The following TUBGCP2 variants were observed in gnomAD, a reference collection of about 807,000 sequenced individuals.
TUBGCP2 encodes the protein tubulin gamma complex component 2.
A neutral mutation model predicts 92.2 loss-of-function variants in TUBGCP2; 55 were observed. The observed-to-expected ratio is 0.60, with a 90% confidence interval of 0.48 to 0.75. The LOEUF (loss-of-function observed/expected upper bound fraction) is 0.75, where lower values mean the gene tolerates loss of function less well. TUBGCP2 is among the 30% of genes least tolerant of loss of function. The probability of loss-of-function intolerance (pLI) is 0.00; values close to 1 mark genes in which losing one functional copy is unlikely to be tolerated. For missense variants in TUBGCP2, 1,093 were observed against 1,188.9 expected (o/e 0.92, Z 1.19); for synonymous variants, 533 against 505.2 (o/e 1.06, Z -0.74).
chr10:133,283,270 C>T (rs370136277), intron 14 of TUBGCP2, 49 bp from the exon 15 acceptor site: 58 of 1,611,246 alleles, frequency 3.6e-5, no homozygotes, highest in Admixed American at 1.7e-4. Context: ...GGCTGACAGA[C>T]GGGCCCTGCA....
In TUBGCP2 at chr10:133,308,840, A is replaced by G. The variant is rs1449460369; in HGVS notation, c.-57T>C. 1.5e-4 allele frequency: 153 copies of G among 1,015,758 alleles called. No homozygotes were observed. Among genetic ancestry groups the G allele is most frequent in the Non-Finnish European group, 1.9e-4 (150 of 803,400 alleles). 62.9% of individuals were successfully genotyped at this position (1,015,758 alleles called of 1,614,324 possible). A position where few individuals can be genotyped will look rare whatever the true frequency, so the allele number is the denominator to read the frequency against. Reference sequence around the variant, plus strand: ...GGACTCACCGCAGTCCCGGAGCCACAGCCCCCGCGCAGCCCCCGACGGCGG... The same window carrying G: ...GGACTCACCGCAGTCCCGGAGCCACGGCCCCCGCGCAGCCCCCGACGGCGG... On this transcript the variant is annotated 5_prime_UTR_variant, in exon 1 of 18. Coordinates refer to ENST00000252936, the MANE Select transcript of TUBGCP2 (RefSeq NM_006659.4).
At chr10:133,291,940 C>T (rs539121560) in intron 8 of TUBGCP2, among the ~76,000 whole-genome samples, 1 of 28,948 alleles carries the variant, frequency 3.5e-5, no homozygotes. Context: ...CATGTCCCTC[C>T]GTGTCCCTCC....
At chr10:133,289,758 G>C in intron 9 of TUBGCP2, 66 bp downstream of exon 9, 2 of 793,344 alleles carry the variant, frequency 2.5e-6, no homozygotes, top group Admixed American at 6.3e-5. Flanking sequence ...GGAGGGCCTG[G>C]GCTGCAGGAG....
chr10:133,297,841 G>T (rs1305058168), intron 5 of TUBGCP2, 111 bp downstream of exon 5: 2 of 1,492,438 alleles, frequency 1.3e-6, no homozygotes, highest in African/African-American at 2.8e-5. Context: ...GGCCTGCAAA[G>T]TGTCCTGCCC....
At chr10:133,311,530 C>T (rs1014175669), upstream of TUBGCP2, 23 of 580,974 alleles carry the variant, frequency 4.0e-5, no homozygotes, top group African/African-American at 3.5e-4. Context: ...TAAACAATGG[C>T]CTTGCTGTAA....
rs762103235 is a variant in TUBGCP2 at position 133,292,567 on chromosome 10, C to T, written c.1146G>A (p.Ala382=). Residue 382 remains alanine (A), a synonymous_variant, in exon 8 of 18, where the codon GCG becomes GCA. Coordinates refer to ENST00000252936, the MANE Select transcript of TUBGCP2 (RefSeq NM_006659.4). Reference sequence around the variant, plus strand: ...GAACCTCGAAGTAGGGAGCACTGGCCGCCTTGGTTAGGTACAGGCATAGCT... The same window carrying T: ...GAACCTCGAAGTAGGGAGCACTGGCTGCCTTGGTTAGGTACAGGCATAGCT... ...AQELCLYLTK[A]ASAPYFEVLE... is the part of the protein sequence containing the mutation. 9 of 1,614,026 alleles carry T rather than the reference C, an allele frequency of 5.6e-6. No individual in the cohort carries two copies. The highest frequency in any genetic ancestry group is 5.0e-5 in the Admixed American group (3 of 59,998).
chr10:133,298,403 G>T (rs1353678003), intron 4 of TUBGCP2, among the ~76,000 whole-genome samples: 1 of 152,248 alleles, frequency 6.6e-6, no homozygotes, highest in Non-Finnish European at 1.5e-5. Context: ...AACCACGGGA[G>T]AGGGTGCACC....
At chr10:133,282,636 C>T (rs542659708) in intron 15 of TUBGCP2, among the ~76,000 whole-genome samples, 68 of 152,322 alleles carry the variant, frequency 4.5e-4, no homozygotes, top group Non-Finnish European at 6.8e-4. Flanking sequence ...CGCCCTCCTC[C>T]GGACCCTCCC....
At chr10:133,284,091 G>A in intron 13 of TUBGCP2, 89 bp from the exon 14 acceptor site, 1 of 1,553,196 alleles carries the variant, frequency 6.4e-7, no homozygotes, top group South Asian at 1.2e-5. Context: ...GGACAGCCAT[G>A]GAGGACGTTC....
In TUBGCP2 at chr10:133,283,203, C is replaced by T. The variant is rs774750812; in HGVS notation, c.2164G>A (p.Val722Ile). Residue 722 changes from valine to isoleucine, a missense_variant, in exon 15 of 18, where the codon GTC becomes ATC. Physicochemically the swap from Val to Ile is conservative, Grantham distance 29 (BLOSUM62 3). Transcript: ENST00000252936. ...NLKSASNIDDVLGHHTGFLDT... is the reference protein window; with the variant it reads ...NLKSASNIDDILGHHTGFLDT... ...AGGAAGCCTGTGTGGTGGCCAAGGA[C>T]GTCGTCAATGTTGGAGGCCTGCGGG... The T allele has an allele frequency of 4.3e-6, 7 of 1,614,100 alleles. No individual in the cohort carries two copies. Among genetic ancestry groups the T allele is most frequent in the Middle Eastern group, 1.6e-4 (1 of 6,084 alleles).
rs1227301283 is a variant in TUBGCP2, at chr10:133,282,225, T to C, written c.2407A>G (p.Lys803Glu). ...GGCCAAACCTGGAGGCCACGCACCT[T>C]CCTGGCGAGCTCCTTCCGGGCCCGC... is the stretch of plus-strand genomic sequence containing the variant. ...EERARKELAR[K>E]HLAEHADTVQ... Residue 803 changes from lysine (K) to glutamate (E), a missense_variant and splice_region_variant, in exon 16 of 18, where the codon AAG becomes GAG. By Grantham distance (56) the Lys-to-Glu change is moderately conservative (BLOSUM62 1). Coordinates refer to ENST00000252936, the MANE Select transcript of TUBGCP2 (RefSeq NM_006659.4). The C allele has an allele frequency of 6.2e-7, 1 of 1,611,828 alleles. No individual in the cohort carries two copies. Among genetic ancestry groups the C allele is most frequent in the Admixed American group, 1.7e-5 (1 of 59,980 alleles).
intron 8 of TUBGCP2, 149 bp from the exon 9 acceptor site, chr10:133,290,118 G>T: frequency 8.7e-7 from 1 of 1,151,418 alleles, no homozygotes; most frequent in East Asian, 2.5e-5. Flanking sequence ...TAATCTACCA[G>T]TTACTTCTCA....
At chr10:133,284,101 C>G (rs952264148) in intron 13 of TUBGCP2, 99 bp from the exon 14 acceptor site, 1 of 1,531,896 alleles carries the variant, frequency 6.5e-7, no homozygotes. Context: ...GGAGGACGTT[C>G]TCTGGACGTG....
chr10:133,293,423 A>C, intron 6 of TUBGCP2, 139 bp downstream of exon 6: 2 of 1,219,614 alleles, frequency 1.6e-6, no homozygotes, highest in Non-Finnish European at 1.1e-6. Context: ...GACCCTCCAA[A>C]ACTGAGTTGG....
At chr10:133,294,168 T>A (rs982895949) in intron 5 of TUBGCP2, among the ~76,000 whole-genome samples, 4 of 152,222 alleles carry the variant, frequency 2.6e-5, no homozygotes, top group Admixed American at 2.0e-4. Flanking sequence ...AAGCTATCAC[T>A]TAAACGTTAA....
At chr10:133,312,327 A>C, upstream of TUBGCP2, 1 of 1,177,800 alleles carries the variant, frequency 8.5e-7, no homozygotes, top group South Asian at 2.3e-5. Flanking sequence ...TTCTAGTTAA[A>C]GTTGATTTTA....
intron 6 of TUBGCP2, 113 bp from the exon 7 acceptor site, chr10:133,293,351 A>T: frequency 7.6e-7 from 1 of 1,308,354 alleles, no homozygotes; most frequent in Non-Finnish European, 1.1e-6. Flanking sequence ...TGAACCCCAC[A>T]TCCCAGAGGG....
At chr10:133,280,067 C>T (rs566505626) in intron 17 of TUBGCP2, among the ~76,000 whole-genome samples, 166 bp from the exon 18 acceptor site, 5 of 152,298 alleles carry the variant, frequency 3.3e-5, no homozygotes, top group East Asian at 1.9e-4. Flanking sequence ...CACACTCCTT[C>T]TGCGGGTCCG....
chr10:133,292,017 ATGTCCCTCTGTGTCCCTCCG>A (rs1219425957), intron 8 of TUBGCP2, among the ~76,000 whole-genome samples: 1 of 3,286 alleles, frequency 3.0e-4, no homozygotes. Flanking sequence ...CGTGTCCCCC[ATGTCCCTCTGTGTCCCTCCG>A]TGTCCCTCCG....
Sources: allele counts gnomAD v4.1 joint callset (sites outside exome capture counted in the v4.1 genomes callset), GRCh38; gene constraint gnomAD v4.1.1; transcripts MANE v1.5; gene names NCBI Gene and HGNC (gene_info 2026-07-23, HGNC 2026-07-21).